PCDH7: variants seen among roughly 807,000 people sequenced by gnomAD.
PCDH7 encodes the protein protocadherin 7, also known as protocadherin-7.
In PCDH7, 17 loss-of-function variants were observed where a neutral mutation model predicts 58.9. The observed-to-expected ratio is 0.29, with a 90% CI of 0.20 to 0.43. The LOEUF (loss-of-function observed/expected upper bound fraction) is 0.43. Among genes scored for constraint, PCDH7 ranks in the 20% least tolerant of loss-of-function variants. The pLI is 1.00. For missense variants in PCDH7, 1,274 were observed against 1,441.0 expected, an observed-to-expected ratio of 0.88 and a Z score of 1.88; for synonymous variants, 664 against 616.4, an observed-to-expected ratio of 1.08 and a Z score of -1.14.
chr4:30,940,001 A>G (rs1316069843), intron 2 of PCDH7, among the ~76,000 whole-genome samples: 1 of 152,020 alleles, frequency 6.6e-6, no homozygotes. Flanking sequence ...GATTCACATT[A>G]GAGGAAAAAC....
intron 1 of PCDH7, among the ~76,000 whole-genome samples, chr4:30,793,698 A>G (rs2109300710): frequency 6.6e-6 from 1 of 152,316 alleles, no homozygotes; most frequent in African/African-American, 2.4e-5. Context: ...GGTATGAAAG[A>G]CTTCCACAAA....
intron 1 of PCDH7, among the ~76,000 whole-genome samples, chr4:30,846,417 C>A (rs1479969252): frequency 1.3e-5 from 2 of 152,012 alleles, no homozygotes; most frequent in African/African-American, 2.4e-5. Context: ...CATGGGAAGA[C>A]ACAGCAAGAA....
intron 3 of PCDH7, among the ~76,000 whole-genome samples, chr4:31,069,135 C>T (rs559145766): frequency 1.4e-4 from 21 of 152,052 alleles, no homozygotes; most frequent in Admixed American, 1.3e-4. Context: ...ACCTTTAAAA[C>T]GCATTATAGT....
At chr4:31,144,760 A>G (rs574491261), downstream of PCDH7, 1 of 152,232 alleles carries the variant, frequency 6.6e-6, no homozygotes, top group East Asian at 1.9e-4. Context: ...TTTCATTTTG[A>G]TGTTAGTTTA....
intron 1 of PCDH7, among the ~76,000 whole-genome samples, chr4:30,752,559 T>A (rs1189951579): frequency 6.6e-6 from 1 of 151,850 alleles, no homozygotes; most frequent in African/African-American, 2.4e-5. Flanking sequence ...TAATAAAATT[T>A]CAAAGCTATC....
downstream of PCDH7, chr4:31,145,021 TACTC>T (rs1383658548): frequency 6.6e-6 from 1 of 151,944 alleles, no homozygotes; most frequent in Non-Finnish European, 1.5e-5. Flanking sequence ...ACAAAGAAAA[TACTC>T]AATTGCATAA....
At chr4:31,143,005 T>C (rs1720441218), downstream of PCDH7, 2 of 415,054 alleles carry the variant, frequency 4.8e-6, no homozygotes, top group African/African-American at 4.2e-5. Flanking sequence ...CCTTTAGTGA[T>C]ACTGTTAGCC....
chr4:30,894,584 T>TAA (rs1553909538), intron 1 of PCDH7, among the ~76,000 whole-genome samples: 1 of 90,362 alleles, frequency 1.1e-5, no homozygotes, highest in Non-Finnish European at 2.1e-5. Flanking sequence ...CACACATATA[T>TAA]ACACACACAC....
At chr4:30,797,814 G>A (rs114249445) in intron 1 of PCDH7, among the ~76,000 whole-genome samples, 1,657 of 152,092 alleles carry the variant, frequency 0.011, 25 homozygotes, top group African/African-American at 0.038. Flanking sequence ...CTGGGGGCAC[G>A]CAATAAATAT....
At chr4:30,882,858 T>A (rs1737170029) in intron 1 of PCDH7, among the ~76,000 whole-genome samples, 1 of 152,216 alleles carries the variant, frequency 6.6e-6, no homozygotes, top group Non-Finnish European at 1.5e-5. Context: ...TATATCCAAA[T>A]ATCTTCATAG....
intron 3 of PCDH7, among the ~76,000 whole-genome samples, chr4:30,954,276 G>A (rs1267904212): frequency 3.9e-5 from 6 of 152,042 alleles, no homozygotes; most frequent in Non-Finnish European, 7.4e-5. Flanking sequence ...CCTTTTTGCT[G>A]ACCCTACCCA....
At chr4:31,059,493 A>C (rs1205738428) in intron 3 of PCDH7, among the ~76,000 whole-genome samples, 1 of 151,888 alleles carries the variant, frequency 6.6e-6, no homozygotes, top group Admixed American at 6.6e-5. Context: ...TCTCCAGAGT[A>C]TATGTAAATA....
At chr4:30,830,310 A>C (rs752681066) in intron 1 of PCDH7, among the ~76,000 whole-genome samples, 13 of 152,128 alleles carry the variant, frequency 8.5e-5, no homozygotes, top group Non-Finnish European at 1.8e-4. Context: ...TAAATTATTC[A>C]CATCACATAC....
At chr4:30,814,487 A>C (rs572415818) in intron 1 of PCDH7, among the ~76,000 whole-genome samples, 1 of 151,788 alleles carries the variant, frequency 6.6e-6, no homozygotes, top group East Asian at 1.9e-4. Context: ...TGCCTCTTTT[A>C]TTTACTTTTT....
chr4:31,024,718 A>G (rs905488514), intron 3 of PCDH7, among the ~76,000 whole-genome samples: 3 of 152,148 alleles, frequency 2.0e-5, no homozygotes, highest in Admixed American at 6.6e-5. Flanking sequence ...AGAAATTCTC[A>G]TAGGAACCTG....
intron 1 of PCDH7, among the ~76,000 whole-genome samples, chr4:30,726,794 G>T (rs1483324422): frequency 2.6e-5 from 4 of 151,934 alleles, no homozygotes; most frequent in Non-Finnish European, 5.9e-5. Flanking sequence ...TCCCCTTAAT[G>T]TAATTAGTAA....
At chr4:30,771,485 G>C (rs908073405) in intron 1 of PCDH7, among the ~76,000 whole-genome samples, 2 of 152,162 alleles carry the variant, frequency 1.3e-5, no homozygotes, top group African/African-American at 4.8e-5. Context: ...AGGCACTCGT[G>C]GGGGCTGGGG....
intron 3 of PCDH7, among the ~76,000 whole-genome samples, chr4:31,048,275 T>C (rs1756448192): frequency 6.6e-6 from 1 of 152,084 alleles, no homozygotes; most frequent in Non-Finnish European, 1.5e-5. Context: ...GATTTCTTTA[T>C]GGCTCTACTC....
At chr4:31,095,104 T>C (rs920499867) in intron 3 of PCDH7, among the ~76,000 whole-genome samples, 10 of 149,048 alleles carry the variant, frequency 6.7e-5, no homozygotes, top group Admixed American at 5.4e-4. Context: ...ATTATAGATC[T>C]ACCAGACAGG....
Sources: allele counts gnomAD v4.1 joint callset (sites outside exome capture counted in the v4.1 genomes callset), GRCh38; gene constraint gnomAD v4.1.1; transcripts MANE v1.5; gene names NCBI Gene and HGNC (gene_info 2026-07-23, HGNC 2026-07-21).